PPP2R3B: variants seen among roughly 807,000 people sequenced by gnomAD.
PPP2R3B encodes serine/threonine-protein phosphatase 2A regulatory subunit B'' subunit beta.
A neutral mutation model predicts 72.9 loss-of-function variants in PPP2R3B; 68 were observed. The ratio of observed to expected loss-of-function variants is 0.93; its 90% confidence interval spans 0.77 to 1.14. The LOEUF is 1.14. Ranked by LOEUF, PPP2R3B falls within the 50% of genes most tolerant of loss-of-function variation. The probability of loss-of-function intolerance (pLI) is 0.00; values close to 1 mark genes in which losing one functional copy is unlikely to be tolerated. For synonymous variants in PPP2R3B, 466 were observed against 375.8 expected (o/e 1.24, Z -2.78); for missense variants, 1,018 against 842.0 (o/e 1.21, Z -2.59).
chrX:345,777 C>T lies in PPP2R3B; in HGVS notation c.880-105G>A. 4.7e-6 allele frequency: 4 copies of T among 852,422 alleles called. No homozygotes were observed. In the South Asian group the frequency reaches 6.0e-5, roughly 13 times the overall value. 52.8% of individuals were successfully genotyped at this position (852,422 alleles called of 1,614,324 possible). ...GAAGGCTGGGAGGGTCGGGGCCGCT[C>T]CGTGGGTGGGGGGGACTGGGCAGCT... On this transcript the variant is annotated intron_variant, in intron 6 of 12. Transcript: ENST00000390665.
At chrX:345,734 G>C (rs1390629252) in intron 6 of PPP2R3B, 62 bp from the exon 7 acceptor site, 2 of 1,582,278 alleles carry the variant, frequency 1.3e-6, no homozygotes, top group Admixed American at 1.7e-5. Flanking sequence ...AAGTCCGCCT[G>C]GCTGCGGGCG....
chrX:385,320 C>CTTTTT (rs1178231888), intron 1 of PPP2R3B, among the ~76,000 whole-genome samples: 7 of 75,604 alleles, frequency 9.3e-5, no homozygotes, highest in Non-Finnish European at 1.2e-4. Context: ...TTTTAGTTTT[C>CTTTTT]TTTTTTTTTT....
At chrX:345,396 A>G (rs1278725487) in intron 7 of PPP2R3B, 120 bp downstream of exon 7, 14 of 1,337,518 alleles carry the variant, frequency 1.0e-5, no homozygotes, top group Non-Finnish European at 1.5e-5. Context: ...TGCGAAGGAG[A>G]GGCAGCTGCA....
intron 2 of PPP2R3B, among the ~76,000 whole-genome samples, chrX:358,826 G>A (rs184667848): frequency 6.6e-6 from 1 of 151,436 alleles, no homozygotes; most frequent in Non-Finnish European, 1.5e-5. Context: ...GCACCACGGT[G>A]GGGGGAGGCG....
At chrX:386,264 T>G in intron 1 of PPP2R3B, 104 bp downstream of exon 1, 4 of 975,364 alleles carry the variant, frequency 4.1e-6, no homozygotes, top group East Asian at 3.4e-5. Flanking sequence ...ATGAAACCGT[T>G]TTGGGGTCTG....
rs764583793 is a variant in PPP2R3B at position 346,320 on chromosome X, C to A, written c.793-60G>T. The A allele has an allele frequency of 7.7e-5, 115 of 1,495,892 alleles. No homozygotes were observed. The South Asian group carries it at 1.3e-3, about 17-fold the overall frequency. The allele number at this position is 1,495,892 out of a possible 1,614,324, so 92.7% of individuals were successfully genotyped here. On this transcript the variant is annotated intron_variant, in intron 5 of 12. Transcript: ENST00000390665. The stretch of plus-strand genomic sequence containing the variant: ...AGACCCCCAGGAGCCTCGCCCCGCA[C>A]GGAGACCGGGAGCCGGGAGAGGGGC...
intron 2 of PPP2R3B, 27 bp downstream of exon 2, chrX:361,378 G>C: frequency 1.2e-6 from 2 of 1,612,506 alleles, no homozygotes; most frequent in Non-Finnish European, 8.5e-7. Context: ...CACCTCGGCT[G>C]CTCCACGTCC....
intron 2 of PPP2R3B, among the ~76,000 whole-genome samples, chrX:352,683 A>G (rs192779297): frequency 0.024 from 3,607 of 151,944 alleles, 161 homozygotes; most frequent in African/African-American, 0.083. Flanking sequence ...GGGACTCGCG[A>G]GGCAGACAAA....
chrX:368,095 C>T (rs2071762941), intron 1 of PPP2R3B, among the ~76,000 whole-genome samples: 1 of 152,104 alleles, frequency 6.6e-6, no homozygotes, highest in Non-Finnish European at 1.5e-5. Context: ...AGGCGGAGCC[C>T]ACCCACCCCG....
At chrX:345,696 G>A (rs747330616) in intron 6 of PPP2R3B, 24 bp from the exon 7 acceptor site, 2 of 1,610,232 alleles carry the variant, frequency 1.2e-6, no homozygotes, top group South Asian at 2.2e-5. Context: ...CAGGCGGCCT[G>A]AGCGCGGGGC....
intron 2 of PPP2R3B, among the ~76,000 whole-genome samples, chrX:357,636 T>C (rs2071463456): frequency 6.6e-6 from 1 of 152,118 alleles, no homozygotes; most frequent in African/African-American, 2.4e-5. Context: ...GAGCAAGAAA[T>C]TTCTAAGTTA....
chrX:379,042 T>TGCAC (rs1420458024), intron 1 of PPP2R3B, among the ~76,000 whole-genome samples: 1 of 151,792 alleles, frequency 6.6e-6, no homozygotes, highest in Non-Finnish European at 1.5e-5. Flanking sequence ...TGTGTGTGTA[T>TGCAC]GCACCTGTGT....
intron 1 of PPP2R3B, among the ~76,000 whole-genome samples, chrX:376,431 A>G (rs868168526): frequency 8.3e-5 from 9 of 107,816 alleles, no homozygotes; most frequent in African/African-American, 2.6e-4. Flanking sequence ...CACACTCGAC[A>G]GAGCCCCCAT....
chrX:334,380 A>G lies in PPP2R3B; in HGVS notation c.1715T>C (p.Leu572Pro). The change falls in exon 13 of 13, where the codon CTG becomes CCG. Residue 572 changes from leucine to proline, a missense_variant. Coordinates refer to ENST00000390665, the MANE Select transcript of PPP2R3B (RefSeq NM_013239.5). ...TCGCGGGCGGCGTCACAGCGGCTCC[A>G]GGTCCTCGTCCCCGCATGCGTACTC... is the stretch of plus-strand genomic sequence containing the variant. ...LYEYACGDED[L>P]EPL is the part of the protein sequence containing the mutation. 6.6e-7 allele frequency: 1 copy of G among 1,517,528 alleles called. No homozygotes were observed. Among genetic ancestry groups the G allele is most frequent in the Non-Finnish European group, 8.8e-7 (1 of 1,139,186 alleles). 94.0% of individuals were successfully genotyped at this position (1,517,528 alleles called of 1,614,324 possible). A position where few individuals can be genotyped will look rare whatever the true frequency, so the allele number is the denominator to read the frequency against.
At chrX:385,279 G>A (rs1413110130) in intron 1 of PPP2R3B, among the ~76,000 whole-genome samples, 3 of 144,318 alleles carry the variant, frequency 2.1e-5, no homozygotes, top group African/African-American at 5.1e-5. Flanking sequence ...ATAAATTCCC[G>A]TCTCATCTTT....
chrX:374,224 T>C (rs1313454346), intron 1 of PPP2R3B, among the ~76,000 whole-genome samples: 2 of 146,914 alleles, frequency 1.4e-5, no homozygotes, highest in Admixed American at 6.7e-5. Context: ...AGAAGTGAGG[T>C]CCCCCCCCTC....
chrX:360,919 C>T (rs111331423), intron 2 of PPP2R3B, among the ~76,000 whole-genome samples: 1,617 of 152,266 alleles, frequency 0.011, 22 homozygotes, highest in African/African-American at 0.037. Context: ...ATGCACGCCG[C>T]GCCGCAGCAC....
chrX:373,810 C>G (rs779459396), intron 1 of PPP2R3B: 292 of 151,570 alleles, frequency 1.9e-3, no homozygotes, highest in African/African-American at 6.9e-3. Context: ...GGGCCCGCGC[C>G]GCGCGCATTC....
chrX:335,027 C>T (rs968376947), intron 12 of PPP2R3B: 1 of 152,960 alleles, frequency 6.5e-6, no homozygotes, highest in African/African-American at 2.4e-5. Context: ...TCCGGGGAAC[C>T]CAGCGCGGCC....
Sources: allele counts gnomAD v4.1 joint callset (sites outside exome capture counted in the v4.1 genomes callset), GRCh38; gene constraint gnomAD v4.1.1; transcripts MANE v1.5; gene names NCBI Gene and HGNC (gene_info 2026-07-23, HGNC 2026-07-21).